Variants in ZNF217 observed in about 807,000 individuals in gnomAD.
ZNF217 encodes zinc finger protein 217.
In ZNF217, 12 loss-of-function variants were observed where a neutral mutation model predicts 73.3. That is an observed-to-expected ratio of 0.16 (90% CI 0.10 to 0.27). The LOEUF (loss-of-function observed/expected upper bound fraction) is 0.27. ZNF217 is among the 10% of genes least tolerant of loss of function. The pLI, the probability that ZNF217 is intolerant of heterozygous loss-of-function variation, is 1.00. For missense variants in ZNF217, 1,195 were observed against 1,327.8 expected, an observed-to-expected ratio of 0.90 and a Z score of 1.55; for synonymous variants, 588 against 516.4, an observed-to-expected ratio of 1.14 and a Z score of -1.88.
chr20:53,593,581 C>G (rs1019322046), intron 1 of ZNF217, among the ~76,000 whole-genome samples, 175 bp downstream of exon 1: 2 of 151,948 alleles, frequency 1.3e-5, no homozygotes, highest in African/African-American at 4.8e-5. Context: ...AGCGCAGGAG[C>G]CGGCTGGGGA....
At chr20:53,594,496 C>T (rs1022909809), upstream of ZNF217, among the ~76,000 whole-genome samples, 1 of 151,420 alleles carries the variant, frequency 6.6e-6, no homozygotes, top group South Asian at 2.1e-4. Context: ...GCGCGCACTC[C>T]CAGTTCTCGC....
intron 1 of ZNF217, among the ~76,000 whole-genome samples, chr20:53,584,772 G>A (rs1377531404): frequency 6.6e-6 from 1 of 152,218 alleles, no homozygotes; most frequent in Non-Finnish European, 1.5e-5. Flanking sequence ...CTGCTAATCA[G>A]AATGTGAAGT....
Position 53,579,836 on chromosome 20 carries a change from G to C in ZNF217, c.1367-1386C>G, listed in dbSNP as rs1038472307. Among the ~76,000 whole-genome samples, 91 of 152,224 alleles carry C rather than the reference G, an allele frequency of 6.0e-4. 1 individual carries two copies. Among genetic ancestry groups the C allele is most frequent in the African/African-American group, 2.0e-3 (83 of 41,454 alleles). ...GGAAATAGTAGCAAAGAAAGGTTAA[G>C]CAACTCATAATTGGTCACAAAACAA... On this transcript the variant is annotated intron_variant, in intron 2 of 5. Transcript: ENST00000371471.
rs886220026 is a variant in ZNF217 at position 53,576,267 on chromosome 20, C to T, written c.2497G>A (p.Ala833Thr). The change falls in exon 4 of 6, where the codon GCC becomes ACC. Residue 833 changes from alanine (A) to threonine (T), a missense_variant. Physicochemically the swap from Ala to Thr is moderately conservative, Grantham distance 58 (BLOSUM62 0). Around this residue, in one of 9 missense-constraint regions of ZNF217, gnomAD observed 649 missense variants for 642.8 expected, o/e 1.01. Transcript: ENST00000371471. ...PQQNVGVQGAATRQQQSEMFP... is the reference protein window; with the variant it reads ...PQQNVGVQGATTRQQQSEMFP... ...ATCTCAGATTGCTGTTGCCTGGTGG[C>T]GGCCCCTTGGACCCCCACATTCTGC... is the stretch of plus-strand genomic sequence containing the variant. 36 of 1,614,196 alleles carry T rather than the reference C, an allele frequency of 2.2e-5. No homozygotes were observed. The highest frequency in any genetic ancestry group is 1.6e-4 in the East Asian group (7 of 44,884).
chr20:53,567,132 TATATC>T lies in ZNF217; in HGVS notation c.*2151_*2155del, dbSNP rs912074786. Reference sequence around the variant, plus strand: ...ATAATAACATAACTTTAAGCTGAAATATATCATAAATAAAACAAGTAATGTCTACT... The same window carrying T: ...ATAATAACATAACTTTAAGCTGAAATATAAATAAAACAAGTAATGTCTACT... On this transcript the variant is annotated 3_prime_UTR_variant, in exon 6 of 6. Coordinates refer to ENST00000371471, the MANE Select transcript of ZNF217 (RefSeq NM_006526.3). The T allele has an allele frequency of 3.5e-4, 53 of 152,626 alleles. 1 individual carries two copies. Among genetic ancestry groups the T allele is most frequent in the African/African-American group, 1.2e-3 (48 of 41,530 alleles). The allele number at this position is 152,626 out of a possible 1,614,324, so 9.5% of individuals were successfully genotyped here.
intron 3 of ZNF217, 83 bp from the exon 4 acceptor site, chr20:53,577,363 G>C: frequency 3.2e-6 from 4 of 1,248,738 alleles, no homozygotes; most frequent in South Asian, 1.5e-5. Context: ...AAGAAAACAG[G>C]CTTCTTTCCT....
intron 1 of ZNF217, among the ~76,000 whole-genome samples, chr20:53,592,277 C>G (rs1034520204): frequency 6.6e-6 from 1 of 152,180 alleles, no homozygotes. Flanking sequence ...ATGTTCAACG[C>G]TCCAAGCCCC....
In ZNF217 at chr20:53,581,412, ACAG is replaced by A. The variant is rs749535801; in HGVS notation, c.1366+46_1366+48del. ...GGAATAGAGAGGGGGAGACGGGGAG[ACAG>A]ACAGACACAGGCGGAACAGCACGGG... On this transcript the variant is annotated intron_variant, in intron 2 of 5. Coordinates refer to ENST00000371471, the MANE Select transcript of ZNF217 (RefSeq NM_006526.3). The surrounding 1 kb of genome is among the most constrained non-coding windows in gnomAD (Gnocchi z 4.9). The A allele has an allele frequency of 3.3e-6, 4 of 1,194,722 alleles. No individual in the cohort carries two copies. Among genetic ancestry groups the A allele is most frequent in the Non-Finnish European group, 4.5e-6 (4 of 896,710 alleles). 74.0% of individuals were successfully genotyped at this position (1,194,722 alleles called of 1,614,324 possible).
At chr20:53,584,361 G>C (rs544587066) in intron 1 of ZNF217, among the ~76,000 whole-genome samples, 1 of 152,346 alleles carries the variant, frequency 6.6e-6, no homozygotes, top group African/African-American at 2.4e-5. Context: ...TGCAGGCTCA[G>C]AGAAGCCAAG....
In ZNF217 at chr20:53,568,415, T is replaced by C. The variant is rs1987837022; in HGVS notation, c.*873A>G. 2.0e-5 allele frequency: 3 copies of C among 152,148 alleles called. No individual in the cohort carries two copies. In the South Asian group the frequency reaches 6.2e-4, roughly 32 times the overall value. 9.4% of individuals were successfully genotyped at this position (152,148 alleles called of 1,614,324 possible). ...AAATGATTAATTTGACAGAAACAAA[T>C]TTAAATAACTGCACATACAGTTTAT... On this transcript the variant is annotated 3_prime_UTR_variant, in exon 6 of 6. Transcript: ENST00000371471.
intron 2 of ZNF217, among the ~76,000 whole-genome samples, chr20:53,580,285 G>C (rs1988437705): frequency 6.6e-6 from 1 of 152,092 alleles, no homozygotes; most frequent in African/African-American, 2.4e-5. Flanking sequence ...ATTCATCGTG[G>C]GTCTCATACA....
At chr20:53,569,341 G>C (rs915764496) in intron 5 of ZNF217, 77 bp from the exon 6 acceptor site, 24 of 1,072,042 alleles carry the variant, frequency 2.2e-5, no homozygotes, top group Non-Finnish European at 2.8e-5. Flanking sequence ...TTAAAAAAGC[G>C]TAATACATAG....
intron 1 of ZNF217, among the ~76,000 whole-genome samples, chr20:53,593,417 C>G (rs1474635167): frequency 6.6e-6 from 1 of 151,956 alleles, no homozygotes; most frequent in Non-Finnish European, 1.5e-5. Context: ...CCCAACTTTT[C>G]GGAACAGCCC....
intron 1 of ZNF217, 134 bp downstream of exon 1, chr20:53,593,622 T>A (rs1461503865): frequency 1.3e-5 from 2 of 148,496 alleles, no homozygotes. Flanking sequence ...GATAGAAAGC[T>A]GAGACGGGGA....
At chr20:53,571,994 T>G in intron 4 of ZNF217, 141 bp from the exon 5 acceptor site, 1 of 805,646 alleles carries the variant, frequency 1.2e-6, no homozygotes, top group Non-Finnish European at 1.8e-6. Flanking sequence ...ATGCAAGTGT[T>G]TTCAGTTACA....
Position 53,592,541 on chromosome 20 carries a change from T to G in ZNF217, c.-343+1215A>C, listed in dbSNP as rs567766619. Reference sequence around the variant, plus strand: ...CCCCCACCCGCCCAAGAAAGCGCCTTCCCGTCTTCGGTGGCCCTACCCAGA... The same window carrying G: ...CCCCCACCCGCCCAAGAAAGCGCCTGCCCGTCTTCGGTGGCCCTACCCAGA... On this transcript the variant is annotated intron_variant, in intron 1 of 5. Transcript: ENST00000371471. Among the ~76,000 whole-genome samples the G allele has an allele frequency of 1.4e-4, 17 of 120,372 alleles. No individual in the cohort carries two copies. The South Asian group carries it at 1.7e-3, about 12-fold the overall frequency. 79.0% of individuals were successfully genotyped at this position (120,372 alleles called of 152,430 possible). A position where few individuals can be genotyped will look rare whatever the true frequency, so the allele number is the denominator to read the frequency against.
chr20:53,577,175 G>GCAA lies in ZNF217; in HGVS notation c.1586_1588dup (p.Val529dup). 1 of 1,613,550 alleles carries GCAA rather than the reference G, an allele frequency of 6.2e-7. No homozygotes were observed. ...TTTACCATCGTTCTTGACTTCAGCA[G>GCAA]CAACATCGGTTTGTTTTTCCTTGTG... On this transcript the variant is annotated inframe_insertion, in exon 4 of 6. Coordinates refer to ENST00000371471, the MANE Select transcript of ZNF217 (RefSeq NM_006526.3).
At chr20:53,570,404 T>C (rs979651945) in intron 5 of ZNF217, 1 of 153,002 alleles carries the variant, frequency 6.5e-6, no homozygotes, top group African/African-American at 2.4e-5. Context: ...CATCTTCGTA[T>C]CCTAGCAGCC....
At chr20:53,585,095 GAAAAAAAAAAAAA>G (rs748460021) in intron 1 of ZNF217, among the ~76,000 whole-genome samples, 1 of 46,960 alleles carries the variant, frequency 2.1e-5, no homozygotes, top group East Asian at 6.0e-4. Context: ...GTGAGAATTT[GAAAAAAAAAAAAA>G]AAAAAAAAAA....
Sources: gnomAD v4.1 joint callset for allele counts (sites outside exome capture counted in the v4.1 genomes callset) on GRCh38, gnomAD v4.1.1 for gene constraint, gnomAD v4.1.1 regional missense constraint, Gnocchi (gnomAD v3.1) non-coding constraint, MANE v1.5 for transcripts, NCBI Gene and HGNC (gene_info 2026-07-23, HGNC 2026-07-21) for gene names.